Variants in PRPF40B observed in about 807,000 individuals in gnomAD.
PRPF40B encodes pre-mRNA processing factor 40B, also known as pre-mRNA-processing factor 40 homolog B.
A neutral mutation model predicts 124.5 loss-of-function variants in PRPF40B; 56 were observed. The observed-to-expected ratio is 0.45, with a 90% CI of 0.36 to 0.56. The LOEUF (loss-of-function observed/expected upper bound fraction) is 0.56, where lower values mean the gene tolerates loss of function less well. Among genes scored for constraint, PRPF40B ranks in the 20% least tolerant of loss-of-function variants. The pLI is 0.00. For synonymous variants in PRPF40B, 443 were observed against 426.4 expected (o/e 1.04, Z -0.48); for missense variants, 1,053 against 1,169.5 (o/e 0.90, Z 1.45).
At position 49,634,568 on chromosome 12, in the gene PRPF40B, GCCATGAAGATGGTGGTCACCGA is replaced by G; in HGVS notation, c.970_991del (p.Met324ProfsTer9). 6.2e-7 allele frequency: 1 copy of G among 1,614,228 alleles called. No individual in the cohort carries two copies. Among genetic ancestry groups the G allele is most frequent in the Non-Finnish European group, 8.5e-7 (1 of 1,180,034 alleles). On this transcript the variant is annotated frameshift_variant, in exon 12 of 26. Coordinates refer to ENST00000548825, the MANE Select transcript of PRPF40B (RefSeq NM_001031698.3). LOFTEE classifies it high-confidence loss of function. The stretch of plus-strand genomic sequence containing the variant: ...CCCCTCCAATGCCTCATGGGAACAG[GCCATGAAGATGGTGGTCACCGA>G]CCCCCGTTACAGGTAGGCCTGGGCA...
At chr12:49,634,638 G>C (rs566048732) in intron 12 of PRPF40B, 36 bp downstream of exon 12, 1 of 1,613,220 alleles carries the variant, frequency 6.2e-7, no homozygotes, top group Admixed American at 1.7e-5. Context: ...CCCTGTTCAT[G>C]AGAGCAGCTG....
At chr12:49,633,813 A>C in intron 9 of PRPF40B, 73 bp from the exon 10 acceptor site, 1 of 1,607,420 alleles carries the variant, frequency 6.2e-7, no homozygotes, top group Non-Finnish European at 8.5e-7. Context: ...CCCAGGATAG[A>C]GAAACCAGCC....
chr12:49,634,579 G>T lies in PRPF40B; in HGVS notation c.978G>T (p.Met326Ile), dbSNP rs201015587. 3 of 1,614,164 alleles carry T rather than the reference G, an allele frequency of 1.9e-6. No individual in the cohort carries two copies. Among genetic ancestry groups the T allele is most frequent in the Non-Finnish European group, 1.7e-6 (2 of 1,180,018 alleles). The change falls in exon 12 of 26, where the codon ATG becomes ATT. Residue 326 changes from methionine to isoleucine, a missense_variant. Physicochemically the swap from Met to Ile is conservative, Grantham distance 10 (BLOSUM62 1). Coordinates refer to ENST00000548825, the MANE Select transcript of PRPF40B (RefSeq NM_001031698.3). ...SNASWEQAMK[M>I]VVTDPRYSAL... ...CCTCATGGGAACAGGCCATGAAGATGGTGGTCACCGACCCCCGTTACAGGT... is the reference window on the plus strand; with the variant it reads ...CCTCATGGGAACAGGCCATGAAGATTGTGGTCACCGACCCCCGTTACAGGT...
Position 49,643,000 on chromosome 12 carries a change from G to A in PRPF40B, c.2189G>A (p.Arg730His), listed in dbSNP as rs751840640. ...AAAGGCAAGAAGCACCATCACAAGC[G>A]TTCCCACTCACCCTCAGTGAGTAAG... Reference protein sequence around the residue: ...GRKGKKHHHKRSHSPSGSESE... With the variant: ...GRKGKKHHHKHSHSPSGSESE... The change falls in exon 22 of 26, where the codon CGT becomes CAT. Residue 730 changes from arginine (R) to histidine (H), a missense_variant. By Grantham distance (29) the Arg-to-His change is conservative (BLOSUM62 0). Around this residue, in one of 2 missense-constraint regions of PRPF40B, gnomAD observed 895 missense variants for 1,052.2 expected, o/e 0.85. Coordinates refer to ENST00000548825, the MANE Select transcript of PRPF40B (RefSeq NM_001031698.3). This position sits in a 1 kb window ranked among gnomAD's most constrained non-coding sequence, Gnocchi z 5.8. 3.9e-5 allele frequency: 63 copies of A among 1,613,626 alleles called. No homozygotes were observed. The highest frequency in any genetic ancestry group is 4.5e-5 in the East Asian group (2 of 44,892).
At chr12:49,637,633 A>G (rs1407252948) in intron 17 of PRPF40B, 49 bp downstream of exon 17, 1 of 1,586,218 alleles carries the variant, frequency 6.3e-7, no homozygotes, top group Non-Finnish European at 8.6e-7. Flanking sequence ...CTGCCCTGCC[A>G]GCCTCTCTGC....
rs916356242 is a variant in PRPF40B at position 49,631,037 on chromosome 12, T to A, written c.85-364T>A. On this transcript the variant is annotated intron_variant, in intron 2 of 25. Coordinates refer to ENST00000548825, the MANE Select transcript of PRPF40B (RefSeq NM_001031698.3). This position sits in a 1 kb window ranked among gnomAD's most constrained non-coding sequence, Gnocchi z 4.3. ...GATGGGAGGCAGGGGACTGGGGTAC[T>A]TGGGTACCTGGATACCTGCCTTCTG... 3.3e-5 allele frequency among the ~76,000 whole-genome samples: 5 copies of A among 152,212 alleles called. No homozygotes were observed. The highest frequency in any genetic ancestry group is 1.2e-4 in the African/African-American group (5 of 41,438).
chr12:49,636,340 A>G (rs538339022), intron 15 of PRPF40B, among the ~76,000 whole-genome samples: 2 of 152,294 alleles, frequency 1.3e-5, no homozygotes, highest in African/African-American at 4.8e-5. Context: ...TCACGTTACA[A>G]TAGACTGTTG....
intron 1 of PRPF40B, chr12:49,624,014 C>A (rs1940464475): frequency 1.0e-6 from 1 of 1,004,366 alleles, no homozygotes; most frequent in South Asian, 4.7e-5. Flanking sequence ...CGCCCGTTCC[C>A]TTTGGAAGCC....
upstream of PRPF40B, among the ~76,000 whole-genome samples, chr12:49,623,028 C>T (rs1940340538): frequency 6.6e-6 from 1 of 151,476 alleles, no homozygotes; most frequent in South Asian, 2.1e-4. Context: ...GTACGCCCCA[C>T]AAGGGCGTGA....
At chr12:49,637,419 G>A in intron 16 of PRPF40B, 51 bp from the exon 17 acceptor site, 1 of 1,296,638 alleles carries the variant, frequency 7.7e-7, no homozygotes, top group South Asian at 1.2e-5. Context: ...CTCAGTCTGT[G>A]GCTCTGCCTC....
chr12:49,644,365 G>A lies in PRPF40B; in HGVS notation c.*173G>A. The A allele has an allele frequency of 1.4e-6, 1 of 726,044 alleles. No individual in the cohort carries two copies. The allele number at this position is 726,044 out of a possible 1,614,324, so 45.0% of individuals were successfully genotyped here. A position where few individuals can be genotyped will look rare whatever the true frequency, so the allele number is the denominator to read the frequency against. ...CTCAAGGTTGCTCTTGGTGTTCAAG[G>A]GTCCCCTACTCCCTGGACTAGTGCA... On this transcript the variant is annotated 3_prime_UTR_variant, in exon 26 of 26. Coordinates refer to ENST00000548825, the MANE Select transcript of PRPF40B (RefSeq NM_001031698.3).
At chr12:49,643,116 T>G in intron 22 of PRPF40B, 100 bp downstream of exon 22, 2 of 1,586,546 alleles carry the variant, frequency 1.3e-6, no homozygotes, top group Non-Finnish European at 1.7e-6. Context: ...GAGGGAAGTT[T>G]GAGGATTCCT....
Position 49,633,947 on chromosome 12 carries a change from C to T in PRPF40B, c.667C>T (p.Pro223Ser). Residue 223 changes from proline (P) to serine (S), a missense_variant, in exon 10 of 26, where the codon CCC becomes TCC. Transcript: ENST00000548825. Reference protein sequence around the residue: ...QPQPPQPQPDPPPVPPGPTPV... With the variant: ...QPQPPQPQPDSPPVPPGPTPV... Reference sequence around the variant, plus strand: ...ACAGCCACCTCAGCCACAGCCTGACCCCCCACCTGTGCCTCCTGGCCCCAC... The same window carrying T: ...ACAGCCACCTCAGCCACAGCCTGACTCCCCACCTGTGCCTCCTGGCCCCAC... The T allele has an allele frequency of 1.9e-6, 3 of 1,614,216 alleles. No homozygotes were observed. In the South Asian group the frequency reaches 3.3e-5, roughly 18 times the overall value.
intron 4 of PRPF40B, chr12:49,632,339 G>C (rs1462226569): frequency 2.3e-5 from 13 of 571,116 alleles, no homozygotes; most frequent in Non-Finnish European, 4.0e-5. Flanking sequence ...CATCCACTGT[G>C]AAGGAATGAG....
At chr12:49,636,630 C>G in intron 15 of PRPF40B, 86 bp from the exon 16 acceptor site, 1 of 1,577,886 alleles carries the variant, frequency 6.3e-7, no homozygotes, top group South Asian at 1.1e-5. Context: ...ACCTGTAGGA[C>G]AGCATCGTTG....
In PRPF40B at chr12:49,631,328, CTGACA is replaced by C; in HGVS notation, c.85-72_85-68del. On this transcript the variant is annotated intron_variant, in intron 2 of 25. Coordinates refer to ENST00000548825, the MANE Select transcript of PRPF40B (RefSeq NM_001031698.3). This position sits in a 1 kb window ranked among gnomAD's most constrained non-coding sequence, Gnocchi z 4.3. ...TGGGGAGGGAGGTGGTGGATATTTCCTGACAGGTCCTCTCTACCTCTGACAAGGCG... is the reference window on the plus strand; with the variant it reads ...TGGGGAGGGAGGTGGTGGATATTTCCGGTCCTCTCTACCTCTGACAAGGCG... 8.9e-7 allele frequency: 1 copy of C among 1,124,876 alleles called. No homozygotes were observed. The highest frequency in any genetic ancestry group is 1.2e-6 in the Non-Finnish European group (1 of 806,278). 69.7% of individuals were successfully genotyped at this position (1,124,876 alleles called of 1,614,324 possible). A position where few individuals can be genotyped will look rare whatever the true frequency, so the allele number is the denominator to read the frequency against.
rs768886646 is a variant in PRPF40B, at chr12:49,631,546, TA to T, written c.228+4del. ...GGGGCGCCACCACCACTCACACAGGTAATTGTCTCTCCTCCCCTGGGGCCTC... is the reference window on the plus strand; with the variant it reads ...GGGGCGCCACCACCACTCACACAGGTATTGTCTCTCCTCCCCTGGGGCCTC... On this transcript the variant is annotated splice_donor_region_variant and intron_variant, in intron 3 of 25. Coordinates refer to ENST00000548825, the MANE Select transcript of PRPF40B (RefSeq NM_001031698.3). This position sits in a 1 kb window ranked among gnomAD's most constrained non-coding sequence, Gnocchi z 4.3. The T allele has an allele frequency of 6.5e-7, 1 of 1,549,472 alleles. No homozygotes were observed. The highest frequency in any genetic ancestry group is 8.7e-7 in the Non-Finnish European group (1 of 1,154,290).
chr12:49,622,721 G>A (rs1020528151), upstream of PRPF40B: 5 of 152,266 alleles, frequency 3.3e-5, no homozygotes, highest in African/African-American at 1.2e-4. Flanking sequence ...GGCATCACGC[G>A]AGTCCCGGCT....
At chr12:49,622,928 T>C (rs1214515200), upstream of PRPF40B, among the ~76,000 whole-genome samples, 1 of 152,180 alleles carries the variant, frequency 6.6e-6, no homozygotes, top group African/African-American at 2.4e-5. Context: ...TTTTAACTTC[T>C]GTCAAAGAGT....
Sources: allele counts gnomAD v4.1 joint callset (sites outside exome capture counted in the v4.1 genomes callset), GRCh38; gene constraint gnomAD v4.1.1; regional missense constraint gnomAD v4.1.1; non-coding constraint Gnocchi (gnomAD v3.1); transcripts MANE v1.5; gene names NCBI Gene and HGNC (gene_info 2026-07-23, HGNC 2026-07-21).